The following SENP5 variants were observed in gnomAD, a reference collection of about 807,000 sequenced individuals.
The protein encoded by SENP5 is sentrin-specific protease 5.
In SENP5, 21 loss-of-function variants were observed where a neutral mutation model predicts 74.2. The ratio of observed to expected loss-of-function variants is 0.28; its 90% CI spans 0.20 to 0.41. The LOEUF (loss-of-function observed/expected upper bound fraction) is 0.41. Among genes scored for constraint, SENP5 ranks in the 10% least tolerant of loss-of-function variants. The probability of loss-of-function intolerance (pLI) is 1.00; values close to 1 mark genes in which losing one functional copy is unlikely to be tolerated. For synonymous variants in SENP5, 311 were observed against 312.7 expected (o/e 0.99, Z 0.06); for missense variants, 717 against 889.1 (o/e 0.81, Z 2.46).
chr3:196,896,749 G>T (rs778513338), intron 2 of SENP5, among the ~76,000 whole-genome samples: 5 of 152,162 alleles, frequency 3.3e-5, no homozygotes, highest in Admixed American at 6.5e-5. Context: ...ACCTGGCCCA[G>T]TGTCTCTATT....
At chr3:196,905,541 G>A (rs796689286) in intron 6 of SENP5, among the ~76,000 whole-genome samples, 52 of 152,232 alleles carry the variant, frequency 3.4e-4, no homozygotes, top group African/African-American at 1.0e-3. Flanking sequence ...TTGCCGGAGC[G>A]GTTCACAGAA....
rs148249711 is a variant in SENP5, at chr3:196,917,160, A to G, written c.1885-6254A>G. On this transcript the variant is annotated intron_variant, in intron 6 of 9. Transcript: ENST00000323460. ...AACAAACAAACCCCAACAAAACACA[A>G]AAAACAAATTCTGGAGCTGAAAAAT... 2.6e-3 allele frequency among the ~76,000 whole-genome samples: 398 copies of G among 152,100 alleles called. 3 individuals carry two copies. The highest frequency in any genetic ancestry group is 8.4e-3 in the African/African-American group (349 of 41,504).
At chr3:196,907,935 A>G (rs534521551) in intron 6 of SENP5, among the ~76,000 whole-genome samples, 13 of 152,152 alleles carry the variant, frequency 8.5e-5, no homozygotes, top group Non-Finnish European at 1.5e-4. Context: ...TATAAGAAGT[A>G]TACATAAAAT....
chr3:196,928,643 G>A (rs895575087), intron 8 of SENP5, among the ~76,000 whole-genome samples: 3 of 152,190 alleles, frequency 2.0e-5, no homozygotes, highest in African/African-American at 7.2e-5. Context: ...GGATGTTATA[G>A]GCAGGATCTT....
Position 196,933,036 on chromosome 3 carries a change from G to C in SENP5, c.*2113G>C, listed in dbSNP as rs1343317959. The C allele has an allele frequency of 3.3e-5, 1 of 30,424 alleles. No homozygotes were observed. Among genetic ancestry groups the C allele is most frequent in the Non-Finnish European group, 6.3e-5 (1 of 15,828 alleles). The allele number at this position is 30,424 out of a possible 1,614,324, so 1.9% of individuals were successfully genotyped here. ...GGGTTTTTTGTTTTTTTTTTTTTTTGAGTCAGAGTCTCACTGTCCCTCAGG... is the reference window on the plus strand; with the variant it reads ...GGGTTTTTTGTTTTTTTTTTTTTTTCAGTCAGAGTCTCACTGTCCCTCAGG... On this transcript the variant is annotated 3_prime_UTR_variant, in exon 10 of 10. Transcript: ENST00000323460.
Position 196,931,268 on chromosome 3 carries a change from C to T in SENP5, c.*345C>T, listed in dbSNP as rs189281162. ...CTTTTGAAACTTAGTTAGACGTGAA[C>T]TGAATACAGGTTTCAAATTTACTCC... On this transcript the variant is annotated 3_prime_UTR_variant, in exon 10 of 10. Transcript: ENST00000323460. 1 of 191,262 alleles carries T rather than the reference C, an allele frequency of 5.2e-6. No homozygotes were observed. The highest frequency in any genetic ancestry group is 1.4e-4 in the East Asian group (1 of 7,188). 11.8% of individuals were successfully genotyped at this position (191,262 alleles called of 1,614,324 possible). A position where few individuals can be genotyped will look rare whatever the true frequency, so the allele number is the denominator to read the frequency against.
Position 196,899,787 on chromosome 3 carries a change from TA to T in SENP5, c.1619+19del. The T allele has an allele frequency of 6.4e-7, 1 of 1,556,520 alleles. No homozygotes were observed. Among genetic ancestry groups the T allele is most frequent in the Non-Finnish European group, 8.8e-7 (1 of 1,131,948 alleles). Reference sequence around the variant, plus strand: ...TTTCTAATAGGTATATAAATGATGCTAAAGTTAAGCCCTTGAAAATAAAATT... The same window carrying T: ...TTTCTAATAGGTATATAAATGATGCTAAGTTAAGCCCTTGAAAATAAAATT... On this transcript the variant is annotated intron_variant, in intron 3 of 9. Coordinates refer to ENST00000323460, the MANE Select transcript of SENP5 (RefSeq NM_152699.5).
chr3:196,885,544 A>C lies in SENP5; in HGVS notation c.363A>C (p.Ser121=). 3 of 1,614,176 alleles carry C rather than the reference A, an allele frequency of 1.9e-6. No individual in the cohort carries two copies. Among genetic ancestry groups the C allele is most frequent in the Non-Finnish European group, 2.5e-6 (3 of 1,180,044 alleles). The change falls in exon 2 of 10, where the codon TCA becomes TCC. Residue 121 remains serine, a synonymous_variant. Transcript: ENST00000323460. ...LLRLQAEKLL[S]SAKNSDHEYC... is the part of the protein sequence containing the mutation. ...GACTCCAAGCAGAGAAGCTGTTGTC[A>C]TCAGCAAAGAATTCTGACCATGAAT...
At chr3:196,918,652 C>T (rs1248804253) in intron 6 of SENP5, among the ~76,000 whole-genome samples, 1 of 151,996 alleles carries the variant, frequency 6.6e-6, no homozygotes, top group Non-Finnish European at 1.5e-5. Context: ...AGTAGGAAGT[C>T]CTTACGTATC....
chr3:196,917,485 T>G (rs1349543659), intron 6 of SENP5, among the ~76,000 whole-genome samples: 1 of 151,970 alleles, frequency 6.6e-6, no homozygotes, highest in African/African-American at 2.4e-5. Flanking sequence ...CAAGAAGATT[T>G]AACACAAATA....
chr3:196,927,762 C>G, intron 7 of SENP5, 34 bp from the exon 8 acceptor site: 1 of 1,297,460 alleles, frequency 7.7e-7, no homozygotes, highest in Non-Finnish European at 1.1e-6. Context: ...ACTGATGGAA[C>G]ACAGCATCTG....
intron 1 of SENP5, among the ~76,000 whole-genome samples, chr3:196,870,032 T>C (rs1480674079): frequency 6.6e-6 from 1 of 152,196 alleles, no homozygotes; most frequent in Non-Finnish European, 1.5e-5. Flanking sequence ...CAGCTTCCTA[T>C]GGAGCTCAGT....
chr3:196,890,507 T>C (rs11185460), intron 2 of SENP5, among the ~76,000 whole-genome samples: 99,676 of 151,754 alleles, frequency 0.66, 33,757 homozygotes, highest in Non-Finnish European at 0.74. Context: ...AAGCTCCTCC[T>C]TTGAAAAACA....
chr3:196,886,340 A>G lies in SENP5; in HGVS notation c.1159A>G (p.Ile387Val), dbSNP rs968558356. 36 of 1,613,650 alleles carry G rather than the reference A, an allele frequency of 2.2e-5. No homozygotes were observed. The highest frequency in any genetic ancestry group is 4.0e-5 in the African/African-American group (3 of 74,922). ...AGAACATCGTTCTAATACCATGTTC[A>G]TTTCAGAAACTGAAAGAGAAATTAT... ...LPEHRSNTMF[I>V]SETEREIMTL... Residue 387 changes from isoleucine (I) to valine (V), a missense_variant, in exon 2 of 10, where the codon ATT becomes GTT. By Grantham distance (29) the Ile-to-Val change is conservative. Transcript: ENST00000323460.
At position 196,885,895 on chromosome 3, in the gene SENP5, G is replaced by A; in HGVS notation, c.714G>A (p.Met238Ile). 6.2e-7 allele frequency: 1 copy of A among 1,613,652 alleles called. No homozygotes were observed. Among genetic ancestry groups the A allele is most frequent in the South Asian group, 1.1e-5 (1 of 91,006 alleles). The change falls in exon 2 of 10, where the codon ATG becomes ATA. Residue 238 changes from methionine (M) to isoleucine (I), a missense_variant. Coordinates refer to ENST00000323460, the MANE Select transcript of SENP5 (RefSeq NM_152699.5). ...TTATGATGTATGAGAAATTATCCAT[G>A]ATTAGATTTCGGTACAGGATTCTCA... ...SPLMMYEKLS[M>I]IRFRYRILRS...
intron 6 of SENP5, among the ~76,000 whole-genome samples, chr3:196,920,791 G>GAGC: frequency 6.6e-6 from 1 of 152,280 alleles, no homozygotes; most frequent in East Asian, 1.9e-4. Context: ...CAAACTGAAG[G>GAGC]AGCAGCACCT....
At chr3:196,898,809 G>T (rs953096688) in intron 2 of SENP5, among the ~76,000 whole-genome samples, 3 of 151,976 alleles carry the variant, frequency 2.0e-5, no homozygotes, top group Admixed American at 2.0e-4. Context: ...GATTCCATTC[G>T]AGACCATTCG....
intron 1 of SENP5, among the ~76,000 whole-genome samples, chr3:196,868,299 A>T (rs1400522195): frequency 6.6e-6 from 1 of 152,226 alleles, no homozygotes. Context: ...CTCTCGCTCC[A>T]GCCGGGCTGT....
chr3:196,925,059 G>T (rs1374430551), intron 7 of SENP5, among the ~76,000 whole-genome samples: 1 of 152,100 alleles, frequency 6.6e-6, no homozygotes, highest in Non-Finnish European at 1.5e-5. Flanking sequence ...ATACATATTT[G>T]TAAGTAAAAA....
Sources: gnomAD v4.1 joint callset for allele counts (sites outside exome capture counted in the v4.1 genomes callset) on GRCh38, gnomAD v4.1.1 for gene constraint, MANE v1.5 for transcripts, NCBI Gene and HGNC (gene_info 2026-07-23, HGNC 2026-07-21) for gene names.